USP13: variants seen among roughly 807,000 people sequenced by gnomAD.
USP13 encodes the protein ubiquitin carboxyl-terminal hydrolase 13.
In USP13, 68 loss-of-function variants were observed where a neutral mutation model predicts 107.8. The observed-to-expected ratio is 0.63, with a 90% CI of 0.52 to 0.77. USP13 has a LOEUF of 0.77. Among genes scored for constraint, USP13 ranks in the 30% least tolerant of loss-of-function variants. The pLI is 0.00. For missense variants in USP13, 945 were observed against 1,093.3 expected, an observed-to-expected ratio of 0.86 and a Z score of 1.91; for synonymous variants, 377 against 389.5, an observed-to-expected ratio of 0.97 and a Z score of 0.38.
At chr3:179,751,210 G>C (rs1714599792) in intron 13 of USP13, among the ~76,000 whole-genome samples, 2 of 152,202 alleles carry the variant, frequency 1.3e-5, no homozygotes, top group African/African-American at 4.8e-5. Flanking sequence ...TTGGTGTACA[G>C]GTTGAACAGT....
chr3:179,727,532 A>G (rs376260461), intron 8 of USP13, among the ~76,000 whole-genome samples: 2 of 117,102 alleles, frequency 1.7e-5, no homozygotes, highest in Non-Finnish European at 3.7e-5. Context: ...TTTTCTTAGT[A>G]CAGAACAAAA....
intron 6 of USP13, among the ~76,000 whole-genome samples, chr3:179,718,559 T>C (rs943303144): frequency 6.6e-6 from 1 of 152,174 alleles, no homozygotes; most frequent in Non-Finnish European, 1.5e-5. Flanking sequence ...TTTATGAGCT[T>C]CTTTTCCTTA....
Position 179,682,055 on chromosome 3 carries a change from G to A in USP13, c.294+52G>A, listed in dbSNP as rs778887081. The A allele has an allele frequency of 1.9e-6, 3 of 1,552,086 alleles. No individual in the cohort carries two copies. In the African/African-American group the frequency reaches 4.1e-5, roughly 21 times the overall value. On this transcript the variant is annotated intron_variant, in intron 2 of 20. Transcript: ENST00000263966. ...GCCTTGATGTCTTCCCTGTAACGTT[G>A]TCTCAGTGTGCTTTCTCACGTGGAA...
At chr3:179,768,403 C>A (rs1489128435) in intron 19 of USP13, among the ~76,000 whole-genome samples, 7 of 152,176 alleles carry the variant, frequency 4.6e-5, no homozygotes, top group Admixed American at 2.0e-4. Flanking sequence ...CCTGCCACTG[C>A]TGGATTTTGA....
At chr3:179,685,281 AT>A (rs557049681) in intron 2 of USP13, among the ~76,000 whole-genome samples, 2 of 151,524 alleles carry the variant, frequency 1.3e-5, no homozygotes, top group Non-Finnish European at 2.9e-5. Context: ...ATAAATGTTG[AT>A]TTTATATTTA....
chr3:179,706,283 A>T (rs989917462), intron 4 of USP13, among the ~76,000 whole-genome samples: 27 of 152,232 alleles, frequency 1.8e-4, no homozygotes, highest in African/African-American at 6.0e-4. Flanking sequence ...ATTGGCTAAT[A>T]GGCATATGGC....
intron 1 of USP13, among the ~76,000 whole-genome samples, chr3:179,656,371 T>C (rs1265044261): frequency 1.3e-5 from 2 of 152,224 alleles, no homozygotes; most frequent in African/African-American, 2.4e-5. Flanking sequence ...TGGAGGAAGA[T>C]TGTGAATCAA....
At chr3:179,752,155 C>T (rs1714635060) in intron 13 of USP13, 130 bp from the exon 14 acceptor site, 1 of 723,434 alleles carries the variant, frequency 1.4e-6, no homozygotes, top group African/African-American at 1.8e-5. Flanking sequence ...TCTGTGTTTG[C>T]ATGTTCCTCC....
chr3:179,709,565 A>G (rs1332955402), intron 6 of USP13, among the ~76,000 whole-genome samples: 1 of 152,186 alleles, frequency 6.6e-6, no homozygotes, highest in African/African-American at 2.4e-5. Flanking sequence ...TTGTCCTCAC[A>G]TGGTGTGCTT....
intron 19 of USP13, among the ~76,000 whole-genome samples, chr3:179,766,424 A>C (rs1715177705): frequency 6.6e-6 from 1 of 152,064 alleles, no homozygotes; most frequent in South Asian, 2.1e-4. Flanking sequence ...TTTGAGGTAA[A>C]ATTTCTTCAT....
rs1260201894 is a variant in USP13 at position 179,706,962 on chromosome 3, G to C, written c.506G>C (p.Ser169Thr). The change falls in exon 5 of 21, where the codon AGC (serine) becomes ACC (threonine). Residue 169 changes from serine to threonine, a missense_variant. Transcript: ENST00000263966. ...LVTIACDAVLSSKSPYRKQDP... is the reference protein window; with the variant it reads ...LVTIACDAVLTSKSPYRKQDP... ...ACAATTGCTTGTGATGCAGTTCTCA[G>C]CTCAAAATCTCCATACAGAAAGCAG... is the stretch of plus-strand genomic sequence containing the variant. The C allele has an allele frequency of 6.8e-6, 11 of 1,614,008 alleles. No homozygotes were observed. The highest frequency in any genetic ancestry group is 9.3e-6 in the Non-Finnish European group (11 of 1,180,002).
chr3:179,677,266 G>T (rs1711508689), intron 1 of USP13, among the ~76,000 whole-genome samples: 1 of 151,678 alleles, frequency 6.6e-6, no homozygotes. Context: ...AGCGGCTTCA[G>T]AAATTGAGAA....
At chr3:179,705,393 A>G (rs1712676029) in intron 4 of USP13, among the ~76,000 whole-genome samples, 1 of 152,112 alleles carries the variant, frequency 6.6e-6, no homozygotes, top group Non-Finnish European at 1.5e-5. Flanking sequence ...CTCTTGCCCC[A>G]CTAAAAAACC....
Position 179,721,663 on chromosome 3 carries a change from G to A in USP13, c.1088+74G>A, listed in dbSNP as rs922509915. 44 of 1,495,146 alleles carry A rather than the reference G, an allele frequency of 2.9e-5. No homozygotes were observed. The highest frequency in any genetic ancestry group is 4.1e-5 in the Admixed American group (2 of 48,508). The allele number at this position is 1,495,146 out of a possible 1,614,324, so 92.6% of individuals were successfully genotyped here. A position where few individuals can be genotyped will look rare whatever the true frequency, so the allele number is the denominator to read the frequency against. Reference sequence around the variant, plus strand: ...TCTAGGTCCAGTCCACTCAGTGTGCGCTGCGAAGCCCATCTTTATTGCTTC... The same window carrying A: ...TCTAGGTCCAGTCCACTCAGTGTGCACTGCGAAGCCCATCTTTATTGCTTC... On this transcript the variant is annotated intron_variant, in intron 8 of 20. Coordinates refer to ENST00000263966, the MANE Select transcript of USP13 (RefSeq NM_003940.3). This position sits in a 1 kb window ranked among gnomAD's most constrained non-coding sequence, Gnocchi z 4.3.
chr3:179,684,752 T>C (rs1711808023), intron 2 of USP13, among the ~76,000 whole-genome samples: 1 of 143,080 alleles, frequency 7.0e-6, no homozygotes, highest in Admixed American at 7.4e-5. Context: ...GTGCAAGCAC[T>C]TTTTCCATGT....
chr3:179,680,204 A>ACAACAAC, intron 1 of USP13, among the ~76,000 whole-genome samples: 2 of 151,604 alleles, frequency 1.3e-5, no homozygotes, highest in South Asian at 4.2e-4. Context: ...CAACAACAAA[A>ACAACAAC]AGAAAGAGAG....
intron 11 of USP13, 91 bp downstream of exon 11, chr3:179,740,463 T>C (rs1714154473): frequency 1.3e-6 from 2 of 1,546,248 alleles, no homozygotes; most frequent in Non-Finnish European, 1.8e-6. Flanking sequence ...TCAGAATGCC[T>C]CCCCACTCTC....
chr3:179,653,375 C>T lies in USP13; in HGVS notation c.150C>T (p.Ala50=), dbSNP rs762749034. The T allele has an allele frequency of 6.4e-7, 1 of 1,566,520 alleles. No individual in the cohort carries two copies. The highest frequency in any genetic ancestry group is 8.7e-7 in the Non-Finnish European group (1 of 1,155,774). The part of the protein sequence containing the change: ...SGDRVYKNEC[A]FSYDSPNSEG... ...ACAGGGTCTACAAGAACGAGTGCGC[C>T]TTCTCCTACGACTCTCCCGTAAGTG... is the stretch of plus-strand genomic sequence containing the variant. The change falls in exon 1 of 21, where the codon GCC becomes GCT. Residue 50 remains alanine (A), a synonymous_variant. Transcript: ENST00000263966. This position sits in a 1 kb window ranked among gnomAD's most constrained non-coding sequence, Gnocchi z 4.0.
At chr3:179,739,181 A>ATG (rs1206778477) in intron 10 of USP13, among the ~76,000 whole-genome samples, 1 of 152,158 alleles carries the variant, frequency 6.6e-6, no homozygotes, top group African/African-American at 2.4e-5. Context: ...ACTGGCAGAT[A>ATG]GCCTGCCCAC....
Sources: gnomAD v4.1 joint callset for allele counts (sites outside exome capture counted in the v4.1 genomes callset) on GRCh38, gnomAD v4.1.1 for gene constraint, Gnocchi (gnomAD v3.1) non-coding constraint, MANE v1.5 for transcripts, NCBI Gene and HGNC (gene_info 2026-07-23, HGNC 2026-07-21) for gene names.